Variants in NECTIN2 observed in about 807,000 individuals in gnomAD.
The protein encoded by NECTIN2 is nectin-2.
Under a neutral mutation model 56.9 loss-of-function variants are expected in NECTIN2, and 23 were observed. The observed-to-expected ratio is 0.40, with a 90% CI of 0.29 to 0.57. The LOEUF is 0.57. Ranked by LOEUF, NECTIN2 falls within the 20% of genes least tolerant of loss-of-function variation. NECTIN2 has a pLI of 0.38. For missense variants in NECTIN2, 587 were observed against 718.3 expected, an observed-to-expected ratio of 0.82 and a Z score of 2.09; for synonymous variants, 302 against 313.8, an observed-to-expected ratio of 0.96 and a Z score of 0.40.
chr19:44,865,399 C>T lies in NECTIN2; in HGVS notation c.217C>T (p.Pro73Ser), dbSNP rs866417828. 2 of 1,614,148 alleles carry T rather than the reference C, an allele frequency of 1.2e-6. No homozygotes were observed. Among genetic ancestry groups the T allele is most frequent in the Non-Finnish European group, 1.7e-6 (2 of 1,180,030 alleles). ...CATCTCCCTGGTGACCTGGCAGCGC[C>T]CAGATGCACCTGCGAACCACCAGAA... ...LYISLVTWQRPDAPANHQNVA... is the reference protein window; with the variant it reads ...LYISLVTWQRSDAPANHQNVA... Residue 73 changes from proline to serine, a missense_variant, in exon 2 of 9, where the codon CCA becomes TCA. Physicochemically the swap from Pro to Ser is moderately conservative, Grantham distance 74 (BLOSUM62 -1). Transcript: ENST00000252483. This position sits in a 1 kb window ranked among gnomAD's most constrained non-coding sequence, Gnocchi z 5.2.
At chr19:44,852,053 G>A (rs1266418694) in intron 1 of NECTIN2, among the ~76,000 whole-genome samples, 2 of 151,154 alleles carry the variant, frequency 1.3e-5, no homozygotes, top group African/African-American at 4.9e-5. Context: ...CCACAGCCCC[G>A]ACCCTGATCC....
At chr19:44,883,522 G>A (rs1419050742) in intron 6 of NECTIN2, among the ~76,000 whole-genome samples, 2 of 152,108 alleles carry the variant, frequency 1.3e-5, no homozygotes, top group African/African-American at 2.4e-5. Context: ...TGATCCACCC[G>A]CCTCGGCCTC....
intron 1 of NECTIN2, among the ~76,000 whole-genome samples, chr19:44,863,795 T>A (rs1969060803): frequency 6.6e-6 from 1 of 150,660 alleles, no homozygotes; most frequent in African/African-American, 2.4e-5. Context: ...GTGACCAAGA[T>A]TGCTCCACTG....
chr19:44,856,530 C>T lies in NECTIN2; in HGVS notation c.89-8741C>T, dbSNP rs530109915. Among the ~76,000 whole-genome samples the T allele has an allele frequency of 5.7e-4, 87 of 152,306 alleles. 1 individual carries two copies. The highest frequency in any genetic ancestry group is 3.4e-3 in the Middle Eastern group (1 of 294). ...AAAGAGGAAACTAACTTCCTCGGCC[C>T]CAGCCTACTTTGCTGTCTCTGCAGT... On this transcript the variant is annotated intron_variant, in intron 1 of 8. Coordinates refer to ENST00000252483, the MANE Select transcript of NECTIN2 (RefSeq NM_001042724.2).
Position 44,874,337 on chromosome 19 carries a change from G to A in NECTIN2, c.901G>A (p.Gly301Ser). ...GACCCCACACCCCTCCAGGACCTCA[G>A]GCACCTTCCCGACCTCCGCAGTGGC... is the stretch of plus-strand genomic sequence containing the variant. ...PTGYDWSTTS[G>S]TFPTSAVAQG... The change falls in exon 5 of 9, where the codon GGC (glycine) becomes AGC (serine). Residue 301 changes from glycine to serine, a missense_variant. Coordinates refer to ENST00000252483, the MANE Select transcript of NECTIN2 (RefSeq NM_001042724.2). The surrounding 1 kb of genome is among the most constrained non-coding windows in gnomAD (Gnocchi z 6.3). 1 of 1,614,136 alleles carries A rather than the reference G, an allele frequency of 6.2e-7. No individual in the cohort carries two copies. The highest frequency in any genetic ancestry group is 8.5e-7 in the Non-Finnish European group (1 of 1,179,992).
chr19:44,856,038 C>G (rs368749641), intron 1 of NECTIN2, among the ~76,000 whole-genome samples: 4 of 152,200 alleles, frequency 2.6e-5, no homozygotes, highest in African/African-American at 9.7e-5. Context: ...CAGTGGCTCA[C>G]GCCTATAATC....
chr19:44,882,690 C>CAAAAA (rs35741405), intron 6 of NECTIN2, among the ~76,000 whole-genome samples: 28 of 38,168 alleles, frequency 7.3e-4, no homozygotes, highest in Non-Finnish European at 9.2e-4. Flanking sequence ...CCCCCATCTA[C>CAAAAA]AAAAAAAAAA....
intron 1 of NECTIN2, among the ~76,000 whole-genome samples, chr19:44,852,251 G>T (rs1447555365): frequency 6.6e-6 from 1 of 152,058 alleles, no homozygotes; most frequent in African/African-American, 2.4e-5. Flanking sequence ...CCAGGTTCAA[G>T]CAATTCTTGT....
chr19:44,849,773 G>A (rs928861498), intron 1 of NECTIN2, among the ~76,000 whole-genome samples: 6 of 152,148 alleles, frequency 3.9e-5, no homozygotes, highest in African/African-American at 4.8e-5. Context: ...AGACCCAGAC[G>A]GAGAAAGAGA....
intron 2 of NECTIN2, among the ~76,000 whole-genome samples, chr19:44,870,330 T>C (rs569702662): frequency 4.6e-5 from 7 of 152,068 alleles, no homozygotes; most frequent in African/African-American, 1.7e-4. Flanking sequence ...GTGGGGAGGC[T>C]TGTTGGATGC....
intron 5 of NECTIN2, chr19:44,881,950 G>C (rs2122709211): frequency 3.0e-6 from 1 of 331,228 alleles, no homozygotes; most frequent in African/African-American, 2.1e-5. Context: ...TTTGCTTACT[G>C]TTGTTCTCCC....
intron 1 of NECTIN2, among the ~76,000 whole-genome samples, chr19:44,854,341 C>T (rs946884551): frequency 6.6e-6 from 1 of 152,098 alleles, no homozygotes; most frequent in African/African-American, 2.4e-5. Context: ...CCTTGGTCTC[C>T]CAAAGTTCTG....
chr19:44,878,524 G>A, intron 5 of NECTIN2: 2 of 1,614,122 alleles, frequency 1.2e-6, no homozygotes, highest in Non-Finnish European at 1.7e-6. Context: ...AGAAGGCAGA[G>A]AAAGGCCTCA....
At chr19:44,868,466 CT>C (rs71338735) in intron 2 of NECTIN2, among the ~76,000 whole-genome samples, 108 of 133,484 alleles carry the variant, frequency 8.1e-4, no homozygotes, top group Admixed American at 1.8e-3. Flanking sequence ...TTTCCTTTTT[CT>C]TTTTTTTTTT....
rs1207796976 is a variant in NECTIN2, at chr19:44,846,552, G to A, written c.27G>A (p.Pro9=). 5.3e-6 allele frequency: 8 copies of A among 1,523,168 alleles called. No homozygotes were observed. Among genetic ancestry groups the A allele is most frequent in the Non-Finnish European group, 7.0e-6 (8 of 1,142,004 alleles). 94.4% of individuals were successfully genotyped at this position (1,523,168 alleles called of 1,614,324 possible). Reference sequence around the variant, plus strand: ...TGGCCCGGGCCGCTGCCCTCCTGCCGTCGAGATCGCCGCCGACGCCGCTGC... The same window carrying A: ...TGGCCCGGGCCGCTGCCCTCCTGCCATCGAGATCGCCGCCGACGCCGCTGC... The part of the protein sequence containing the change: MARAAALL[P]SRSPPTPLLW... Residue 9 remains proline, a synonymous_variant, in exon 1 of 9, where the codon CCG becomes CCA. Transcript: ENST00000252483.
At chr19:44,877,449 C>G (rs185390208) in intron 5 of NECTIN2, among the ~76,000 whole-genome samples, 2 of 152,336 alleles carry the variant, frequency 1.3e-5, no homozygotes, top group East Asian at 3.9e-4. Context: ...ATCCCCCATC[C>G]CCACCTGCTC....
intron 8 of NECTIN2, 39 bp from the exon 9 acceptor site, chr19:44,888,070 AG>A (rs781181066): frequency 7.5e-6 from 12 of 1,592,088 alleles, no homozygotes; most frequent in Non-Finnish European, 9.4e-6. Context: ...TGTCGTGCGT[AG>A]GAAGTGATCT....
chr19:44,882,038 C>T (rs1346795195), intron 5 of NECTIN2, 173 bp from the exon 6 acceptor site: 2 of 471,050 alleles, frequency 4.2e-6, no homozygotes, highest in African/African-American at 4.0e-5. Context: ...ATGCGGGGCA[C>T]ACATCCTCGC....
intron 1 of NECTIN2, among the ~76,000 whole-genome samples, chr19:44,857,455 G>A (rs983406755): frequency 2.6e-5 from 4 of 151,682 alleles, no homozygotes; most frequent in Non-Finnish European, 5.9e-5. Context: ...AGGCTGGAGT[G>A]TAGTGGCACA....
Sources: allele counts gnomAD v4.1 joint callset (sites outside exome capture counted in the v4.1 genomes callset), GRCh38; gene constraint gnomAD v4.1.1; non-coding constraint Gnocchi (gnomAD v3.1); transcripts MANE v1.5; gene names NCBI Gene and HGNC (gene_info 2026-07-23, HGNC 2026-07-21).